LPO: variants seen among roughly 807,000 people sequenced by gnomAD.
LPO encodes salivary peroxidase.
In LPO, 70 loss-of-function variants were observed where a neutral mutation model predicts 68.4. That is an observed-to-expected ratio of 1.02 (90% CI 0.84 to 1.25). The LOEUF is 1.25. Among genes scored for constraint, LPO ranks in the 50% most tolerant of loss-of-function variants. LPO has a pLI of 0.00. For missense variants in LPO, 873 were observed against 908.4 expected, an observed-to-expected ratio of 0.96 and a Z score of 0.50; for synonymous variants, 360 against 357.6, an observed-to-expected ratio of 1.01 and a Z score of -0.08.
chr17:58,247,509 A>G lies in LPO; in HGVS notation c.196A>G (p.Thr66Ala). 1.2e-6 allele frequency: 2 copies of G among 1,613,176 alleles called. No individual in the cohort carries two copies. Among genetic ancestry groups the G allele is most frequent in the South Asian group, 1.1e-5 (1 of 91,032 alleles). Reference sequence around the variant, plus strand: ...GACCGCCATGAGCTCTGAGACTCCCACCAGCCGACAGCTCTCAGAATACCT... The same window carrying G: ...GACCGCCATGAGCTCTGAGACTCCCGCCAGCCGACAGCTCTCAGAATACCT... The part of the protein sequence containing the change: ...LKTAMSSETP[T>A]SRQLSEYLKH... The change falls in exon 4 of 13, where the codon ACC becomes GCC. Residue 66 changes from threonine (T) to alanine (A), a missense_variant. Coordinates refer to ENST00000262290, the MANE Select transcript of LPO (RefSeq NM_006151.3).
chr17:58,254,945 C>A lies in LPO; in HGVS notation c.1240C>A (p.Arg414=). Residue 414 remains arginine, a synonymous_variant, in exon 9 of 13, where the codon CGG becomes AGG. Transcript: ENST00000262290. ...WDGEKLYQEA[R]KILGAFVQII... is the part of the protein sequence containing the mutation. ...TGGAGAGAAGCTCTACCAGGAAGCC[C>A]GGAAAATCCTGGGAGCCTTCGTGCA... 6.2e-7 allele frequency: 1 copy of A among 1,614,050 alleles called. No homozygotes were observed. The highest frequency in any genetic ancestry group is 8.5e-7 in the Non-Finnish European group (1 of 1,179,984).
rs746443589 is a variant in LPO, at chr17:58,264,726, T to A, written c.1271T>A (p.Ile424Asn). ...RKILGAFVQI[I>N]TFRDYLPILL... is the part of the protein sequence containing the mutation. Reference sequence around the variant, plus strand: ...TTGATTTTATTCTCCCTCCAGATTATCACCTTTAGGGACTACCTACCCATT... The same window carrying A: ...TTGATTTTATTCTCCCTCCAGATTAACACCTTTAGGGACTACCTACCCATT... The change falls in exon 10 of 13, where the codon ATC becomes AAC. Residue 424 changes from isoleucine to asparagine, a missense_variant. Physicochemically the swap from Ile to Asn is moderately radical, Grantham distance 149 (BLOSUM62 -3). Coordinates refer to ENST00000262290, the MANE Select transcript of LPO (RefSeq NM_006151.3). 3 of 1,613,960 alleles carry A rather than the reference T, an allele frequency of 1.9e-6. No individual in the cohort carries two copies. The highest frequency in any genetic ancestry group is 1.7e-4 in the Middle Eastern group (1 of 5,884).
chr17:58,259,228 A>G (rs1970130663), intron 9 of LPO, among the ~76,000 whole-genome samples: 1 of 152,160 alleles, frequency 6.6e-6, no homozygotes, highest in Non-Finnish European at 1.5e-5. Context: ...TTTTACATTT[A>G]AGTCTATGAT....
At chr17:58,258,515 G>A (rs1335952444) in intron 9 of LPO, among the ~76,000 whole-genome samples, 2 of 152,124 alleles carry the variant, frequency 1.3e-5, no homozygotes, top group Non-Finnish European at 2.9e-5. Flanking sequence ...CTGTTTCTAT[G>A]CCAGTACCAT....
intron 9 of LPO, among the ~76,000 whole-genome samples, chr17:58,261,499 T>A (rs977196342): frequency 1.3e-5 from 2 of 152,102 alleles, no homozygotes; most frequent in African/African-American, 4.8e-5. Context: ...TATGTCATTA[T>A]GTTTGAAGCG....
In LPO at chr17:58,266,305, T is replaced by C. The variant is rs1372856376; in HGVS notation, c.1672T>C (p.Cys558Arg). ...CCTGGCTGCCATCAACACACAGCGT[T>C]GCCGGGACCATGGGCAACCTGGTGA... ...FDLAAINTQR[C>R]RDHGQPGYNS... Residue 558 changes from cysteine (C) to arginine (R), a missense_variant, in exon 11 of 13, where the codon TGC (cysteine) becomes CGC (arginine). By Grantham distance (180) the Cys-to-Arg change is radical. Transcript: ENST00000262290. 6.2e-7 allele frequency: 1 copy of C among 1,614,102 alleles called. No homozygotes were observed. The highest frequency in any genetic ancestry group is 2.2e-5 in the East Asian group (1 of 44,886).
At chr17:58,257,655 C>T (rs981994868) in intron 9 of LPO, among the ~76,000 whole-genome samples, 1 of 152,042 alleles carries the variant, frequency 6.6e-6, no homozygotes, top group Admixed American at 6.6e-5. Context: ...GGGTATACAC[C>T]CAGTAGTGAG....
chr17:58,251,414 A>G (rs756003156), intron 7 of LPO: 1 of 167,794 alleles, frequency 6.0e-6, no homozygotes, highest in Non-Finnish European at 1.3e-5. Flanking sequence ...ACTGCTGTAC[A>G]TCATCGTGGA....
In LPO at chr17:58,264,920, C is replaced by T; in HGVS notation, c.1465C>T (p.Pro489Ser). 6.2e-7 allele frequency: 1 copy of T among 1,614,234 alleles called. No individual in the cohort carries two copies. Among genetic ancestry groups the T allele is most frequent in the Non-Finnish European group, 8.5e-7 (1 of 1,180,044 alleles). The change falls in exon 10 of 13, where the codon CCA (proline) becomes TCA (serine). Residue 489 changes from proline (P) to serine (S), a missense_variant. Physicochemically the swap from Pro to Ser is moderately conservative, Grantham distance 74. Transcript: ENST00000262290. ...DENYQPWGPE[P>S]ELPLHTLFFN... ...GAATTATCAGCCATGGGGGCCAGAA[C>T]CAGAACTCCCCCTCCACACCCTCTT...
At chr17:58,250,011 G>T (rs1434434955) in intron 6 of LPO, among the ~76,000 whole-genome samples, 1 of 152,160 alleles carries the variant, frequency 6.6e-6, no homozygotes, top group African/African-American at 2.4e-5. Context: ...TTGCCTGGAG[G>T]TCCTATTTGT....
intron 9 of LPO, among the ~76,000 whole-genome samples, chr17:58,255,232 C>T (rs192219008): frequency 1.1e-3 from 165 of 152,304 alleles, no homozygotes; most frequent in African/African-American, 3.5e-3. Context: ...AGTGTGCCTG[C>T]CTGGGTGCCA....
chr17:58,240,511 C>T (rs1355808792), intron 1 of LPO, among the ~76,000 whole-genome samples: 2 of 152,180 alleles, frequency 1.3e-5, no homozygotes, highest in Admixed American at 6.5e-5. Context: ...CTGCACACCC[C>T]CTTTTCAGTG....
intron 8 of LPO, 113 bp from the exon 9 acceptor site, chr17:58,254,698 C>T (rs534266976): frequency 2.2e-4 from 194 of 874,412 alleles, no homozygotes; most frequent in Middle Eastern, 1.0e-3. Context: ...GGCTTGTTGA[C>T]GGGGCGGGGG....
At chr17:58,256,131 G>A (rs892250044) in intron 9 of LPO, among the ~76,000 whole-genome samples, 1 of 152,096 alleles carries the variant, frequency 6.6e-6, no homozygotes, top group Non-Finnish European at 1.5e-5. Context: ...TTTTCATTAA[G>A]CATAATATCT....
chr17:58,246,374 C>T (rs1969852455), intron 3 of LPO, among the ~76,000 whole-genome samples: 1 of 152,114 alleles, frequency 6.6e-6, no homozygotes, highest in Non-Finnish European at 1.5e-5. Flanking sequence ...CTGTGGAGAA[C>T]GAATGGGAAG....
chr17:58,249,839 C>A, intron 6 of LPO, 144 bp downstream of exon 6: 1 of 1,263,010 alleles, frequency 7.9e-7, no homozygotes, highest in Non-Finnish European at 1.0e-6. Context: ...CCACCTTCCG[C>A]TAGAGGGCAG....
In LPO at chr17:58,247,556, G is replaced by A. The variant is rs144703345; in HGVS notation, c.243G>A (p.Thr81=). ...SEYLKHAKGR[T]RTAIRNGQVW... ...ACCTCAAGCATGCCAAAGGCCGGAC[G>A]CGCACAGCCATCCGCAATGGACAGG... Residue 81 remains threonine (T), a synonymous_variant, in exon 4 of 13, where the codon ACG becomes ACA. Coordinates refer to ENST00000262290, the MANE Select transcript of LPO (RefSeq NM_006151.3). 27 of 1,614,030 alleles carry A rather than the reference G, an allele frequency of 1.7e-5. No individual in the cohort carries two copies. Among genetic ancestry groups the A allele is most frequent in the South Asian group, 5.5e-5 (5 of 91,076 alleles).
chr17:58,250,918 T>G, intron 7 of LPO: 1 of 398,026 alleles, frequency 2.5e-6, no homozygotes, highest in Non-Finnish European at 4.7e-6. Flanking sequence ...GATAGCAGAA[T>G]GGGAACACTG....
intron 5 of LPO, 35 bp from the exon 6 acceptor site, chr17:58,249,531 C>A: frequency 6.3e-7 from 1 of 1,595,420 alleles, no homozygotes; most frequent in Non-Finnish European, 8.5e-7. Flanking sequence ...CGGAGCCGGC[C>A]TGCCGAAGCT....
Sources: gnomAD v4.1 joint callset for allele counts (sites outside exome capture counted in the v4.1 genomes callset) on GRCh38, gnomAD v4.1.1 for gene constraint, MANE v1.5 for transcripts, NCBI Gene and HGNC (gene_info 2026-07-23, HGNC 2026-07-21) for gene names.